GSTZ1: variants seen among roughly 807,000 people sequenced by gnomAD.
GSTZ1 encodes the protein glutathione S-transferase zeta 1.
In GSTZ1, 34 loss-of-function variants were observed where a neutral mutation model predicts 35.9. That is an observed-to-expected ratio of 0.95 (90% confidence interval 0.72 to 1.26). The LOEUF is 1.26. Among genes scored for constraint, GSTZ1 ranks in the 50% most tolerant of loss-of-function variants. The probability of loss-of-function intolerance (pLI) is 0.00; values close to 1 mark genes in which losing one functional copy is unlikely to be tolerated. For synonymous variants in GSTZ1, 93 were observed against 101.2 expected, an observed-to-expected ratio of 0.92 and a Z score of 0.49; for missense variants, 263 against 271.7, an observed-to-expected ratio of 0.97 and a Z score of 0.23.
chr14:77,322,773 AT>A, intron 1 of GSTZ1: 3 of 934,242 alleles, frequency 3.2e-6, no homozygotes, highest in Non-Finnish European at 3.8e-6. Context: ...CTTGGGAACC[AT>A]CTTGGAAGGG....
chr14:77,329,987 G>A lies in GSTZ1; in HGVS notation c.474+180G>A, dbSNP rs1892535463. 12 of 650,292 alleles carry A rather than the reference G, an allele frequency of 1.8e-5. No homozygotes were observed. In the South Asian group the frequency reaches 2.1e-4, roughly 11 times the overall value. 40.3% of individuals were successfully genotyped at this position (650,292 alleles called of 1,614,324 possible). On this transcript the variant is annotated intron_variant, in intron 7 of 8. Transcript: ENST00000216465. ...AGGGAGTTACTCAAGGTAGAAGACTGGCTGTGAGAGGATGAGGCGGGCCAG... is the reference window on the plus strand; with the variant it reads ...AGGGAGTTACTCAAGGTAGAAGACTAGCTGTGAGAGGATGAGGCGGGCCAG...
chr14:77,328,066 C>T lies in GSTZ1; in HGVS notation c.342+29C>T, dbSNP rs1339241793. 5 of 1,609,140 alleles carry T rather than the reference C, an allele frequency of 3.1e-6. No individual in the cohort carries two copies. In the African/African-American group the frequency reaches 6.8e-5, roughly 22 times the overall value. ...TGGCACTTGTACACTTGCACCCTTG[C>T]ACACCTGACACACTCTTACACTCAC... On this transcript the variant is annotated intron_variant, in intron 5 of 8. Transcript: ENST00000216465.
Position 77,327,476 on chromosome 14 carries a change from C to T in GSTZ1, c.140C>T (p.Ser47Phe), listed in dbSNP as rs138526285. Reference sequence around the variant, plus strand: ...ACCAGGGCCTTGTCTCCACAGTTTTCTAAGGACTTCCAGGCACTGAATCCT... The same window carrying T: ...ACCAGGGCCTTGTCTCCACAGTTTTTTAAGGACTTCCAGGCACTGAATCCT... Reference protein sequence around the residue: ...NLIKDGGQQFSKDFQALNPMK... With the variant: ...NLIKDGGQQFFKDFQALNPMK... The change falls in exon 4 of 9, where the codon TCT becomes TTT. Residue 47 changes from serine (S) to phenylalanine (F), a missense_variant. Ser to Phe is a radical substitution (Grantham distance 155). Coordinates refer to ENST00000216465, the MANE Select transcript of GSTZ1 (RefSeq NM_145870.3). 8 of 1,603,644 alleles carry T rather than the reference C, an allele frequency of 5.0e-6. No homozygotes were observed. The highest frequency in any genetic ancestry group is 6.8e-6 in the Non-Finnish European group (8 of 1,173,742).
At chr14:77,327,068 G>T in intron 3 of GSTZ1, 163 bp downstream of exon 3, 1 of 632,746 alleles carries the variant, frequency 1.6e-6, no homozygotes, top group Non-Finnish European at 2.8e-6. Context: ...AGGTGGCAAG[G>T]TGTGCAGTAG....
Position 77,329,120 on chromosome 14 carries a change from C to A in GSTZ1, c.343-3C>A. 6.2e-7 allele frequency: 1 copy of A among 1,608,264 alleles called. No homozygotes were observed. Among genetic ancestry groups the A allele is most frequent in the Non-Finnish European group, 8.5e-7 (1 of 1,174,574 alleles). On this transcript the variant is annotated splice_region_variant and splice_polypyrimidine_tract_variant and intron_variant, in intron 5 of 8. Transcript: ENST00000216465. ...AATCACAGATTTTCTTTGGGCTGCA[C>A]AGAACCTGTCTGTCCTGAAGCAAGT... is the stretch of plus-strand genomic sequence containing the variant.
chr14:77,326,869 G>A lies in GSTZ1; in HGVS notation c.99G>A (p.Thr33=), dbSNP rs140889171. Residue 33 remains threonine (T), a synonymous_variant, in exon 3 of 9, where the codon ACG becomes ACA. Coordinates refer to ENST00000216465, the MANE Select transcript of GSTZ1 (RefSeq NM_145870.3). The part of the protein sequence containing the change: ...ALALKGIDYE[T]VPINLIKDGG... ...CCTTGAAAGGCATCGACTACGAGAC[G>A]GTGCCCATCAATCTCATAAAGGATG... 8.4e-4 allele frequency: 1,343 copies of A among 1,607,298 alleles called. No individual in the cohort carries two copies. The highest frequency in any genetic ancestry group is 1.0e-3 in the Non-Finnish European group (1,213 of 1,176,258).
At position 77,331,253 on chromosome 14, in the gene GSTZ1, A is replaced by G; in HGVS notation, c.*58A>G. 2 of 1,565,642 alleles carry G rather than the reference A, an allele frequency of 1.3e-6. No homozygotes were observed. ...CAGGAGCAGAAGCTGGGTGGGCTGA[A>G]GAGGCCTGGAAACGAGAGTCTTAAT... On this transcript the variant is annotated 3_prime_UTR_variant, in exon 9 of 9. Transcript: ENST00000216465.
rs539119672 is a variant in GSTZ1 at position 77,328,978 on chromosome 14, G to A, written c.343-145G>A. On this transcript the variant is annotated intron_variant, in intron 5 of 8. Transcript: ENST00000216465. ...TCCAACCTCAGGGCCCTTGGTTGAA[G>A]GAAGGGGCTCATGGAGCCTGGGGGA... is the stretch of plus-strand genomic sequence containing the variant. 41 of 689,662 alleles carry A rather than the reference G, an allele frequency of 5.9e-5. No homozygotes were observed. In the African/African-American group the frequency reaches 6.6e-4, roughly 11 times the overall value. The allele number at this position is 689,662 out of a possible 1,614,324, so 42.7% of individuals were successfully genotyped here.
chr14:77,328,360 T>A, intron 5 of GSTZ1: 1 of 352,384 alleles, frequency 2.8e-6, no homozygotes, highest in Non-Finnish European at 5.3e-6. Context: ...CCAGAGCAGC[T>A]TCCGTTTCAT....
rs752382535 is a variant in GSTZ1, at chr14:77,327,466, CCA to C, written c.136-3_136-2del. 2.5e-6 allele frequency: 4 copies of C among 1,598,544 alleles called. No individual in the cohort carries two copies. In the South Asian group the frequency reaches 4.5e-5, roughly 18 times the overall value. ...CACCCAGCCCACCAGGGCCTTGTCT[CCA>C]CAGTTTTCTAAGGACTTCCAGGCAC... On this transcript the variant is annotated splice_polypyrimidine_tract_variant and splice_region_variant and intron_variant, in intron 3 of 8. Transcript: ENST00000216465.
chr14:77,329,352 G>A (rs1178345401), intron 6 of GSTZ1, 151 bp downstream of exon 6: 1 of 660,118 alleles, frequency 1.5e-6, no homozygotes, highest in Non-Finnish European at 2.8e-6. Flanking sequence ...GCAATGGGCT[G>A]GGTGGGCATC....
chr14:77,330,234 C>G (rs528287968), intron 7 of GSTZ1, 76 bp from the exon 8 acceptor site: 1 of 980,870 alleles, frequency 1.0e-6, no homozygotes, highest in African/African-American at 1.6e-5. Context: ...CCAGTAGAGT[C>G]GCAGTGGACA....
chr14:77,321,258 G>A, intron 1 of GSTZ1, 75 bp downstream of exon 1: 1 of 1,527,700 alleles, frequency 6.5e-7, no homozygotes, highest in East Asian at 2.5e-5. Flanking sequence ...TCAGAAGTGA[G>A]CTGCACCGCC....
At chr14:77,328,854 A>T in intron 5 of GSTZ1, 1 of 524,422 alleles carries the variant, frequency 1.9e-6, no homozygotes, top group South Asian at 2.1e-5. Flanking sequence ...GTCCTGTGTC[A>T]CATGAATAGG....
intron 1 of GSTZ1, chr14:77,323,372 A>C (rs1323400051): frequency 6.6e-6 from 1 of 152,018 alleles, no homozygotes; most frequent in African/African-American, 2.4e-5. Context: ...TTTGAGATGG[A>C]GTCTTGCTCT....
At chr14:77,322,447 C>T (rs1892067825) in intron 1 of GSTZ1, 5 of 240,826 alleles carry the variant, frequency 2.1e-5, no homozygotes. Context: ...CTTCTGGTCA[C>T]TCGTAGTACA....
At chr14:77,323,682 T>A (rs1327699502) in intron 1 of GSTZ1, 1 of 152,220 alleles carries the variant, frequency 6.6e-6, no homozygotes, top group Non-Finnish European at 1.5e-5. Flanking sequence ...CTTGAAACAT[T>A]TTAAACTACT....
intron 1 of GSTZ1, 196 bp downstream of exon 1, chr14:77,321,379 A>C (rs1229872441): frequency 1.8e-5 from 28 of 1,530,340 alleles, no homozygotes; most frequent in Non-Finnish European, 2.4e-5. Context: ...GGGTTGGGCC[A>C]GAGGAGGCGG....
At chr14:77,326,257 G>A (rs760075590) in intron 2 of GSTZ1, 1 of 152,246 alleles carries the variant, frequency 6.6e-6, no homozygotes, top group Non-Finnish European at 1.5e-5. Flanking sequence ...AATGCTCTGA[G>A]GCCACCAAAG....
Sources: gnomAD v4.1 joint callset for allele counts on GRCh38, gnomAD v4.1.1 for gene constraint, MANE v1.5 for transcripts, NCBI Gene and HGNC (gene_info 2026-07-23, HGNC 2026-07-21) for gene names.